PRUNE2: variants seen among roughly 807,000 people sequenced by gnomAD.
The protein encoded by PRUNE2 is protein prune homolog 2.
A neutral mutation model predicts 252.0 loss-of-function variants in PRUNE2; 164 were observed. The ratio of observed to expected loss-of-function variants is 0.65; its 90% CI spans 0.57 to 0.74. The LOEUF (loss-of-function observed/expected upper bound fraction) is 0.74, where lower values mean the gene tolerates loss of function less well. Among genes scored for constraint, PRUNE2 ranks in the 30% least tolerant of loss-of-function variants. The pLI is 0.00. For missense variants in PRUNE2, 3,495 were observed against 3,711.0 expected (o/e 0.94, Z 1.51); for synonymous variants, 1,292 against 1,350.2 (o/e 0.96, Z 0.94).
intron 6 of PRUNE2, among the ~76,000 whole-genome samples, chr9:76,812,609 C>T (rs924444221): frequency 2.0e-5 from 3 of 152,178 alleles, no homozygotes; most frequent in Non-Finnish European, 4.4e-5. Context: ...AAAATTCTAG[C>T]GACCTTATGC....
intron 18 of PRUNE2, chr9:76,615,117 T>C (rs1828805054): frequency 3.0e-6 from 3 of 985,830 alleles, no homozygotes; most frequent in Non-Finnish European, 3.6e-6. Flanking sequence ...TGGATGTTTA[T>C]AACTAAAGAA....
At chr9:76,846,093 T>G (rs1470525610) in intron 4 of PRUNE2, among the ~76,000 whole-genome samples, 3 of 152,138 alleles carry the variant, frequency 2.0e-5, no homozygotes, top group Non-Finnish European at 4.4e-5. Flanking sequence ...GGGTACGTAT[T>G]TTGCCATCCA....
At chr9:76,669,779 G>A (rs1055571365) in intron 9 of PRUNE2, among the ~76,000 whole-genome samples, 1 of 152,152 alleles carries the variant, frequency 6.6e-6, no homozygotes, top group Middle Eastern at 3.2e-3. Flanking sequence ...GGCTTTGGAG[G>A]AGCAGAAAGG....
chr9:76,683,318 C>A (rs181544613), intron 9 of PRUNE2, among the ~76,000 whole-genome samples: 1 of 152,210 alleles, frequency 6.6e-6, no homozygotes, highest in East Asian at 1.9e-4. Context: ...GTAATGTAAA[C>A]CTGAGGGCCT....
intron 6 of PRUNE2, among the ~76,000 whole-genome samples, chr9:76,746,653 C>T (rs539673624): frequency 1.1e-3 from 141 of 130,508 alleles, no homozygotes; most frequent in African/African-American, 1.4e-3. Flanking sequence ...TGCAGTGAGC[C>T]GAGATTGCGC....
At chr9:76,819,147 G>C (rs1355872063) in intron 6 of PRUNE2, among the ~76,000 whole-genome samples, 1 of 152,126 alleles carries the variant, frequency 6.6e-6, no homozygotes, top group East Asian at 1.9e-4. Context: ...CTACTCAGGA[G>C]GATGAGGTGG....
chr9:76,627,771 A>G, intron 16 of PRUNE2: 1 of 273,078 alleles, frequency 3.7e-6, no homozygotes, highest in Non-Finnish European at 7.6e-6. Flanking sequence ...TTTCCGTTCC[A>G]TCTCTTCCTG....
Position 76,794,194 on chromosome 9 carries a change from A to C in PRUNE2, c.756+29438T>G, listed in dbSNP as rs543033880. 2.4e-3 allele frequency among the ~76,000 whole-genome samples: 363 copies of C among 152,308 alleles called. 4 individuals are homozygous for C. The highest frequency in any genetic ancestry group is 0.021 in the Middle Eastern group (6 of 292). ...AGGTTTTTAAGTATCTTTTTCACCA[A>C]CGAGATACGGTGCTTCAGAGAAAAT... is the stretch of plus-strand genomic sequence containing the variant. On this transcript the variant is annotated intron_variant, in intron 6 of 18. Transcript: ENST00000376718.
At chr9:76,836,481 G>A (rs7855857) in intron 4 of PRUNE2, among the ~76,000 whole-genome samples, 59,121 of 149,976 alleles carry the variant, frequency 0.39, 12,478 homozygotes, top group African/African-American at 0.54. Context: ...GGGCAAGGAA[G>A]GGGAGAAGCT....
intron 9 of PRUNE2, among the ~76,000 whole-genome samples, chr9:76,681,272 T>A (rs997338085): frequency 6.6e-6 from 1 of 152,112 alleles, no homozygotes; most frequent in African/African-American, 2.4e-5. Flanking sequence ...GAATGGTGGT[T>A]GCCAGGGGCC....
In PRUNE2 at chr9:76,823,583, T is replaced by C. The variant is rs765651600; in HGVS notation, c.756+49A>G. On this transcript the variant is annotated intron_variant, in intron 6 of 18. Coordinates refer to ENST00000376718, the MANE Select transcript of PRUNE2 (RefSeq NM_015225.3). ...AGAGTTACATTCCAGTTGCTCAGAC[T>C]GCAATTGTGGGAAATCAATCAATGC... 9.5e-6 allele frequency: 10 copies of C among 1,050,864 alleles called. No individual in the cohort carries two copies. The Admixed American group carries it at 1.7e-4, about 18-fold the overall frequency. The allele number at this position is 1,050,864 out of a possible 1,614,324, so 65.1% of individuals were successfully genotyped here.
Position 76,619,337 on chromosome 9 carries a change from T to TA in PRUNE2, c.9236+2dup, listed in dbSNP as rs772121533. 1.4e-5 allele frequency: 22 copies of TA among 1,593,774 alleles called. 1 individual carries two copies. The South Asian group carries it at 2.2e-4, about 16-fold the overall frequency. ...ATAGCTGTTATTGATGGTGAATTCT[T>TA]ACTCCTTCTCCATAGAAGACATTTC... On this transcript the variant is annotated splice_region_variant and intron_variant, in intron 18 of 18. Coordinates refer to ENST00000376718, the MANE Select transcript of PRUNE2 (RefSeq NM_015225.3).
At chr9:76,774,684 C>A (rs924775825) in intron 6 of PRUNE2, among the ~76,000 whole-genome samples, 42 of 152,062 alleles carry the variant, frequency 2.8e-4, no homozygotes, top group African/African-American at 1.0e-3. Flanking sequence ...GTCTCGAATT[C>A]CCGACCTCAG....
intron 9 of PRUNE2, among the ~76,000 whole-genome samples, chr9:76,701,352 A>G (rs1321165735): frequency 6.6e-6 from 1 of 152,204 alleles, no homozygotes; most frequent in Non-Finnish European, 1.5e-5. Flanking sequence ...CCCCATCCCC[A>G]TTGTGAGAAA....
At chr9:76,693,564 C>A (rs565996946) in intron 9 of PRUNE2, among the ~76,000 whole-genome samples, 1 of 151,512 alleles carries the variant, frequency 6.6e-6, no homozygotes, top group East Asian at 2.0e-4. Flanking sequence ...CTGCCTCAGC[C>A]TCCTGAGTAG....
In PRUNE2 at chr9:76,721,235, T is replaced by TA. The variant is rs547870928; in HGVS notation, c.757-7515dup. On this transcript the variant is annotated intron_variant, in intron 6 of 18. Transcript: ENST00000376718. Reference sequence around the variant, plus strand: ...ATGCAAACAACAGCTTTTAAAGCATTAAAAAAATGTATAGTGATTTTTCCT... The same window carrying TA: ...ATGCAAACAACAGCTTTTAAAGCATTAAAAAAAATGTATAGTGATTTTTCCT... Among the ~76,000 whole-genome samples, 328 of 152,294 alleles carry TA rather than the reference T, an allele frequency of 2.2e-3. 1 individual carries two copies. Among genetic ancestry groups the TA allele is most frequent in the Non-Finnish European group, 2.9e-3 (198 of 68,022 alleles).
At position 76,664,033 on chromosome 9, in the gene PRUNE2, G is replaced by A. The variant is rs561641031; in HGVS notation, c.8277-8531C>T. 9.8e-5 allele frequency among the ~76,000 whole-genome samples: 15 copies of A among 152,286 alleles called. No individual in the cohort carries two copies. In the South Asian group the frequency reaches 2.1e-3, roughly 21 times the overall value. ...CGCTACATCCTACCTTCTCTGTGAC[G>A]ACTTTGAAAAGTGTCCATGAATTCT... On this transcript the variant is annotated intron_variant, in intron 9 of 18. Transcript: ENST00000376718.
intron 1 of PRUNE2, among the ~76,000 whole-genome samples, chr9:76,868,782 T>C (rs1158084047): frequency 7.3e-6 from 1 of 136,502 alleles, no homozygotes; most frequent in Non-Finnish European, 1.5e-5. Flanking sequence ...ATTTTCATTT[T>C]ATTGAAAAAA....
intron 6 of PRUNE2, chr9:76,740,076 A>G (rs933722924): frequency 6.6e-6 from 1 of 150,998 alleles, no homozygotes; most frequent in African/African-American, 2.5e-5. Flanking sequence ...AAAAAAAAAC[A>G]AAGTTAACTA....
Sources: gnomAD v4.1 joint callset for allele counts (sites outside exome capture counted in the v4.1 genomes callset) on GRCh38, gnomAD v4.1.1 for gene constraint, MANE v1.5 for transcripts, NCBI Gene and HGNC (gene_info 2026-07-23, HGNC 2026-07-21) for gene names.